The following RGPD2 variants were observed in gnomAD, a reference collection of about 807,000 sequenced individuals.
RGPD2 encodes the protein RANBP2-like and GRIP domain-containing protein 2.
A neutral mutation model predicts 36.0 loss-of-function variants in RGPD2; 2 were observed. The observed-to-expected ratio is 0.06, with a 90% CI of 0.02 to 0.17. The LOEUF (loss-of-function observed/expected upper bound fraction) is 0.17. RGPD2 is among the 10% of genes least tolerant of loss of function. The pLI is 1.00. For missense variants in RGPD2, 40 were observed against 464.3 expected (o/e 0.09, Z 8.40); for synonymous variants, 19 against 163.8 (o/e 0.12, Z 6.75).
chr2:87,824,817 C>CAGGCCG (rs1433945648), intron 1 of RGPD2: 1 of 80,218 alleles, frequency 1.2e-5, no homozygotes, highest in Non-Finnish European at 2.3e-5. Context: ...GCCGCCCGGC[C>CAGGCCG]AGGCCGAGGC....
chr2:87,986,041 A>G, the RGPD2 span: 1 of 670,320 alleles, frequency 1.5e-6, no homozygotes, highest in South Asian at 2.0e-5. Context: ...AACTGTCATT[A>G]AAGAGCCAAT....
chr2:87,930,701 T>G, the RGPD2 span, among the ~76,000 whole-genome samples: 1 of 151,106 alleles, frequency 6.6e-6, no homozygotes, highest in African/African-American at 2.4e-5. Flanking sequence ...TCCTGGGCTT[T>G]TTTGGGTTGG....
the RGPD2 span, among the ~76,000 whole-genome samples, chr2:87,957,549 C>CA: frequency 0.046 from 6,945 of 151,428 alleles, 135 homozygotes; most frequent in African/African-American, 0.16. Context: ...TGGATGTGGA[C>CA]AAAAGAACTC....
the RGPD2 span, among the ~76,000 whole-genome samples, chr2:87,832,724 G>A: frequency 0.013 from 1,941 of 152,032 alleles, 17 homozygotes; most frequent in African/African-American, 0.02. Context: ...GGGAGGCTGC[G>A]GTGAGAGAAT....
In RGPD2 at chr2:87,825,675, C is replaced by A; in HGVS notation, c.55G>T (p.Ala19Ser). The A allele has an allele frequency of 6.3e-7, 1 of 1,592,562 alleles. No homozygotes were observed. The change falls in exon 1 of 23, where the codon GCC (alanine) becomes TCC (serine). Residue 19 changes from alanine (A) to serine (S), a missense_variant. Coordinates refer to ENST00000398146, the MANE Select transcript of RGPD2 (RefSeq NM_001078170.3). Reference protein sequence around the residue: ...ERYLASVQGSAPSPGKKLRGF... With the variant: ...ERYLASVQGSSPSPGKKLRGF... ...CCACTCACCTTTCCAGGCGACGGGG[C>A]GGAGCCCTGCACCGAGGCGAGGTAC...
chr2:87,876,096 T>C, the RGPD2 span, among the ~76,000 whole-genome samples: 37 of 151,800 alleles, frequency 2.4e-4, no homozygotes, highest in African/African-American at 8.5e-4. Flanking sequence ...GATTCTGTTT[T>C]CTTTTCTTCT....
the RGPD2 span, among the ~76,000 whole-genome samples, chr2:87,935,384 T>C: frequency 6.7e-6 from 1 of 150,294 alleles, no homozygotes; most frequent in Non-Finnish European, 1.5e-5. Context: ...TCTACGAAAG[T>C]TGTCATCCCA....
the RGPD2 span, among the ~76,000 whole-genome samples, chr2:87,869,870 C>T: frequency 1.3e-5 from 2 of 152,150 alleles, no homozygotes; most frequent in South Asian, 2.1e-4. Flanking sequence ...AGATCATTCC[C>T]GTCTTCTAAA....
Position 87,770,016 on chromosome 2 carries a change from G to A in RGPD2, c.5236+2153C>T, listed in dbSNP as rs1345064891. On this transcript the variant is annotated intron_variant, in intron 22 of 22. Transcript: ENST00000398146. Reference sequence around the variant, plus strand: ...AAGAACTGAGATTACTGTCAGTATTGAGAACATTCCTCCTTCATCATTAGA... The same window carrying A: ...AAGAACTGAGATTACTGTCAGTATTAAGAACATTCCTCCTTCATCATTAGA... 4.3e-5 allele frequency among the ~76,000 whole-genome samples: 6 copies of A among 139,074 alleles called. No homozygotes were observed. The East Asian group carries it at 1.3e-3, about 31-fold the overall frequency. 91.2% of individuals were successfully genotyped at this position (139,074 alleles called of 152,430 possible). A position where few individuals can be genotyped will look rare whatever the true frequency, so the allele number is the denominator to read the frequency against.
the RGPD2 span, chr2:87,989,100 C>A: frequency 1.1e-4 from 51 of 447,396 alleles, no homozygotes; most frequent in East Asian, 1.2e-3. Context: ...TGAAACTTCT[C>A]AATCGTACCT....
chr2:87,915,365 A>ATG, the RGPD2 span, among the ~76,000 whole-genome samples: 1 of 132,002 alleles, frequency 7.6e-6, no homozygotes. Flanking sequence ...TATTATATAT[A>ATG]TATGTATATT....
chr2:87,977,848 G>A, the RGPD2 span, among the ~76,000 whole-genome samples: 1 of 152,324 alleles, frequency 6.6e-6, no homozygotes, highest in Admixed American at 6.5e-5. Flanking sequence ...GGGCACAGTG[G>A]CTCACGCCTG....
the RGPD2 span, chr2:87,972,710 G>A: frequency 1.9e-6 from 3 of 1,605,276 alleles, no homozygotes; most frequent in Non-Finnish European, 1.7e-6. Context: ...GGCACTTCGG[G>A]CGCCGCAACA....
intron 1 of RGPD2, 146 bp downstream of exon 1, chr2:87,825,512 G>GGCCGCCGTCGCCGCC (rs1686726832): frequency 4.9e-5 from 6 of 123,452 alleles, no homozygotes; most frequent in African/African-American, 3.0e-4. Context: ...CCGAGGCCGA[G>GGCCGCCGTCGCCGCC]GCCGCCGCCC....
At chr2:87,905,240 C>A in the RGPD2 span, among the ~76,000 whole-genome samples, 103 of 152,348 alleles carry the variant, frequency 6.8e-4, no homozygotes, top group African/African-American at 2.3e-3. Context: ...TCACAGGACA[C>A]GAACAGAGAC....
chr2:87,913,875 A>T, the RGPD2 span, among the ~76,000 whole-genome samples: 3 of 152,138 alleles, frequency 2.0e-5, no homozygotes, highest in Admixed American at 2.0e-4. Flanking sequence ...TTTCTACCTG[A>T]CACTCTATGT....
At chr2:87,832,143 T>C in the RGPD2 span, among the ~76,000 whole-genome samples, 3 of 148,780 alleles carry the variant, frequency 2.0e-5, no homozygotes, top group African/African-American at 7.6e-5. Flanking sequence ...CCTAAAGATG[T>C]TAATAAAAAT....
the RGPD2 span, among the ~76,000 whole-genome samples, chr2:87,988,733 G>T: frequency 1.3e-5 from 2 of 151,412 alleles, no homozygotes; most frequent in East Asian, 2.0e-4. Flanking sequence ...TAGAGAAAGG[G>T]TTTCACCACG....
upstream of RGPD2, among the ~76,000 whole-genome samples, chr2:87,829,538 C>T (rs1686918098): frequency 6.6e-6 from 1 of 151,998 alleles, no homozygotes; most frequent in Non-Finnish European, 1.5e-5. Context: ...CACAGTTCCA[C>T]ATGGCTGGGG....
Sources: gnomAD v4.1 joint callset for allele counts (sites outside exome capture counted in the v4.1 genomes callset) on GRCh38, gnomAD v4.1.1 for gene constraint, MANE v1.5 for transcripts, NCBI Gene and HGNC (gene_info 2026-07-23, HGNC 2026-07-21) for gene names.